The following SAMD9L variants were observed in gnomAD, a reference collection of about 807,000 sequenced individuals.
SAMD9L encodes sterile alpha motif domain-containing protein 9-like.
SAMD9L carries 68 observed loss-of-function variants against 90.7 expected under a neutral mutation model. That is an observed-to-expected ratio of 0.75 (90% CI 0.62 to 0.92). The LOEUF (loss-of-function observed/expected upper bound fraction) is 0.92, where lower values mean the gene tolerates loss of function less well. SAMD9L is among the 40% of genes least tolerant of loss of function. SAMD9L has a pLI of 0.00. For synonymous variants in SAMD9L, 640 were observed against 630.1 expected, an observed-to-expected ratio of 1.02 and a Z score of -0.23; for missense variants, 1,604 against 1,824.3, an observed-to-expected ratio of 0.88 and a Z score of 2.20.
chr7:93,133,098 T>C lies in SAMD9L; in HGVS notation c.2874A>G (p.Glu958=). 6.2e-7 allele frequency: 1 copy of C among 1,612,926 alleles called. No individual in the cohort carries two copies. Among genetic ancestry groups the C allele is most frequent in the Non-Finnish European group, 8.5e-7 (1 of 1,179,172 alleles). Residue 958 remains glutamate, a synonymous_variant, in exon 5 of 5, where the codon GAA becomes GAG. Transcript: ENST00000318238. ...IIYTSTPWEP[E]SLEDKMGTYS... ...AAGTTCCCATCTTGTCTTCTAAGCT[T>C]TCAGGTTCCCAGGGTGTACTAGTGT...
chr7:93,147,033 T>TGGCAAGG lies in SAMD9L; in HGVS notation c.-936_-930dup, dbSNP rs915339652. On this transcript the variant is annotated 5_prime_UTR_variant, in exon 2 of 5. Transcript: ENST00000318238. ...TGCCTTTGCTGGGAAGCTGCTCTTCTGGCAAGGGGCTTACACTTTCCACAG... is the reference window on the plus strand; with the variant it reads ...TGCCTTTGCTGGGAAGCTGCTCTTCTGGCAAGGGGCAAGGGGCTTACACTTTCCACAG... 4 of 152,264 alleles carry TGGCAAGG rather than the reference T, an allele frequency of 2.6e-5. No individual in the cohort carries two copies. Among genetic ancestry groups the TGGCAAGG allele is most frequent in the Non-Finnish European group, 5.9e-5 (4 of 68,070 alleles). The allele number at this position is 152,264 out of a possible 1,614,324, so 9.4% of individuals were successfully genotyped here.
In SAMD9L at chr7:93,145,711, A is replaced by C. The variant is rs1792864475; in HGVS notation, c.-449T>G. On this transcript the variant is annotated 5_prime_UTR_variant, in exon 3 of 5. It removes an upstream start codon present in the reference 5' UTR. Transcript: ENST00000318238. ...CTTTCTACTATGAAAATGTTTGAAC[A>C]TACAGAAAATTTGAAAGAATAGTGA... 6.6e-6 allele frequency: 1 copy of C among 152,244 alleles called. No individual in the cohort carries two copies. Among genetic ancestry groups the C allele is most frequent in the Non-Finnish European group, 1.5e-5 (1 of 68,050 alleles). 9.4% of individuals were successfully genotyped at this position (152,244 alleles called of 1,614,324 possible).
chr7:93,136,658 TA>T (rs1360881065), intron 4 of SAMD9L, among the ~76,000 whole-genome samples: 1 of 152,238 alleles, frequency 6.6e-6, no homozygotes, highest in Admixed American at 6.5e-5. Flanking sequence ...TTAATTTTGT[TA>T]GAGCCATTTT....
chr7:93,147,747 T>C (rs138850313), intron 1 of SAMD9L, among the ~76,000 whole-genome samples: 105 of 152,360 alleles, frequency 6.9e-4, no homozygotes, highest in African/African-American at 2.4e-3. Context: ...AATACTTTAA[T>C]AGAATAATAT....
chr7:93,134,214 A>T lies in SAMD9L; in HGVS notation c.1758T>A (p.Ile586=), dbSNP rs761711598. 2 of 1,613,156 alleles carry T rather than the reference A, an allele frequency of 1.2e-6. No individual in the cohort carries two copies. Among genetic ancestry groups the T allele is most frequent in the African/African-American group, 2.7e-5 (2 of 74,884 alleles). Residue 586 remains isoleucine, a synonymous_variant, in exon 5 of 5, where the codon ATT becomes ATA. Coordinates refer to ENST00000318238, the MANE Select transcript of SAMD9L (RefSeq NM_152703.5). The part of the protein sequence containing the change: ...NMLCISVNSH[I]YQRWKDLLQT... The stretch of plus-strand genomic sequence containing the variant: ...GTAGTAGATCTTTCCATCGTTGATA[A>T]ATATGTGAGTTTACAGAGATACACA...
Position 93,131,911 on chromosome 7 carries a change from G to A in SAMD9L, c.4061C>T (p.Ala1354Val). The A allele has an allele frequency of 5.6e-6, 9 of 1,612,774 alleles. No homozygotes were observed. Among genetic ancestry groups the A allele is most frequent in the Non-Finnish European group, 7.6e-6 (9 of 1,179,804 alleles). Reference sequence around the variant, plus strand: ...ATTCACTATACTTTCCATGGTGGTAGCATCTTTGTAGTTTGGATTAAGATA... The same window carrying A: ...ATTCACTATACTTTCCATGGTGGTAACATCTTTGTAGTTTGGATTAAGATA... ...LEYLNPNYKD[A>V]TTMESIVNEY... The change falls in exon 5 of 5, where the codon GCT becomes GTT. Residue 1354 changes from alanine (A) to valine (V), a missense_variant. By Grantham distance (64) the Ala-to-Val change is moderately conservative. This residue lies in a region of SAMD9L where 282 missense variants were observed against 329.6 expected (regional missense o/e 0.86). Transcript: ENST00000318238.
intron 4 of SAMD9L, among the ~76,000 whole-genome samples, 180 bp from the exon 5 acceptor site, chr7:93,136,171 C>T (rs184734508): frequency 1.8e-4 from 28 of 152,220 alleles, no homozygotes; most frequent in African/African-American, 6.7e-4. Context: ...AATTCATACC[C>T]TTGTTTCTTA....
In SAMD9L at chr7:93,134,511, A is replaced by G. The variant is rs777043500; in HGVS notation, c.1461T>C (p.Leu487=). ...TCCAGCTGGGCTGTTGGTAAAGATT[A>G]AGAGTAGAAATCTTCTCCCACATGT... ...TTNMWEKIST[L]NLYQQPSWIF... is the part of the protein sequence containing the mutation. Residue 487 remains leucine (L), a synonymous_variant, in exon 5 of 5, where the codon CTT becomes CTC. Coordinates refer to ENST00000318238, the MANE Select transcript of SAMD9L (RefSeq NM_152703.5). The G allele has an allele frequency of 4.3e-6, 7 of 1,613,974 alleles. No individual in the cohort carries two copies. The highest frequency in any genetic ancestry group is 5.9e-6 in the Non-Finnish European group (7 of 1,179,914).
At position 93,144,768 on chromosome 7, in the gene SAMD9L, G is replaced by A. The variant is rs1268886319; in HGVS notation, c.-57C>T. 1 of 152,228 alleles carries A rather than the reference G, an allele frequency of 6.6e-6. No individual in the cohort carries two copies. The highest frequency in any genetic ancestry group is 6.5e-5 in the Admixed American group (1 of 15,278). The allele number at this position is 152,228 out of a possible 1,614,324, so 9.4% of individuals were successfully genotyped here. ...CACTCACTCACTTTCCGTGCCTCCGGGAAAGGATGCTCAGAATCCCAGCTG... is the reference window on the plus strand; with the variant it reads ...CACTCACTCACTTTCCGTGCCTCCGAGAAAGGATGCTCAGAATCCCAGCTG... On this transcript the variant is annotated 5_prime_UTR_variant, in exon 4 of 5. Coordinates refer to ENST00000318238, the MANE Select transcript of SAMD9L (RefSeq NM_152703.5).
At chr7:93,137,812 G>A (rs1487846766) in intron 4 of SAMD9L, among the ~76,000 whole-genome samples, 2 of 143,420 alleles carry the variant, frequency 1.4e-5, no homozygotes, top group African/African-American at 5.2e-5. Context: ...TGAACCATCT[G>A]TGCTTGGAGC....
Position 93,133,766 on chromosome 7 carries a change from T to C in SAMD9L, c.2206A>G (p.Ile736Val), listed in dbSNP as rs530649061. 4.3e-6 allele frequency: 7 copies of C among 1,613,886 alleles called. No homozygotes were observed. The South Asian group carries it at 6.6e-5, about 15-fold the overall frequency. Residue 736 changes from isoleucine to valine, a missense_variant, in exon 5 of 5, where the codon ATC (isoleucine) becomes GTC (valine). Physicochemically the swap from Ile to Val is conservative, Grantham distance 29. This residue lies in a region of SAMD9L where 606 missense variants were observed against 717.6 expected (regional missense o/e 0.84). Coordinates refer to ENST00000318238, the MANE Select transcript of SAMD9L (RefSeq NM_152703.5). ...AESPKPIFAK[I>V]INLYHHPGCG... ...CCTGGATGATGATAAAGATTGATGATTTTTGCAAATATTGGTTTAGGAGAC... is the reference window on the plus strand; with the variant it reads ...CCTGGATGATGATAAAGATTGATGACTTTTGCAAATATTGGTTTAGGAGAC...
At chr7:93,138,219 G>T (rs533569755) in intron 4 of SAMD9L, among the ~76,000 whole-genome samples, 3 of 152,186 alleles carry the variant, frequency 2.0e-5, no homozygotes, top group Admixed American at 6.5e-5. Flanking sequence ...GGGTCTTAAG[G>T]AGTCCCACAA....
chr7:93,134,714 C>G lies in SAMD9L; in HGVS notation c.1258G>C (p.Val420Leu). The change falls in exon 5 of 5, where the codon GTA (valine) becomes CTA (leucine). Residue 420 changes from valine to leucine, a missense_variant. Val to Leu is a conservative substitution (Grantham distance 32). This residue lies in a region of SAMD9L where 606 missense variants were observed against 717.6 expected (regional missense o/e 0.84). Transcript: ENST00000318238. Reference sequence around the variant, plus strand: ...TGGTTTGGATGGCATTTATTTGTTACAAGAATGTACCAGTCATAGTATGAA... The same window carrying G: ...TGGTTTGGATGGCATTTATTTGTTAGAAGAATGTACCAGTCATAGTATGAA... ...DNSYYDWYIL[V>L]TNKCHPNQIK... The G allele has an allele frequency of 6.2e-7, 1 of 1,613,524 alleles. No individual in the cohort carries two copies. The highest frequency in any genetic ancestry group is 1.7e-4 in the Middle Eastern group (1 of 6,060).
chr7:93,147,106 C>T lies in SAMD9L; in HGVS notation c.-1002G>A, dbSNP rs890248768. On this transcript the variant is annotated 5_prime_UTR_variant, in exon 2 of 5. Coordinates refer to ENST00000318238, the MANE Select transcript of SAMD9L (RefSeq NM_152703.5). ...GCAATACCTTCTTTTAGCTGGTGTC[C>T]TCTTTCAGAAATTTAACCAGCCAGT... 1 of 152,220 alleles carries T rather than the reference C, an allele frequency of 6.6e-6. No individual in the cohort carries two copies. Among genetic ancestry groups the T allele is most frequent in the Non-Finnish European group, 1.5e-5 (1 of 68,044 alleles). 9.4% of individuals were successfully genotyped at this position (152,220 alleles called of 1,614,324 possible).
intron 4 of SAMD9L, among the ~76,000 whole-genome samples, chr7:93,143,071 G>C (rs1373358579): frequency 6.6e-6 from 1 of 152,194 alleles, no homozygotes; most frequent in East Asian, 1.9e-4. Flanking sequence ...TTGTCTTTGT[G>C]TCTTTGTGTT....
In SAMD9L at chr7:93,133,735, C is replaced by T; in HGVS notation, c.2237G>A (p.Gly746Glu). The T allele has an allele frequency of 6.2e-7, 1 of 1,613,742 alleles. No homozygotes were observed. Among genetic ancestry groups the T allele is most frequent in the Non-Finnish European group, 8.5e-7 (1 of 1,179,878 alleles). The change falls in exon 5 of 5, where the codon GGA becomes GAA. Residue 746 changes from glycine to glutamate, a missense_variant. Physicochemically the swap from Gly to Glu is moderately conservative, Grantham distance 98. This residue lies in a region of SAMD9L where 606 missense variants were observed against 717.6 expected (regional missense o/e 0.84). Coordinates refer to ENST00000318238, the MANE Select transcript of SAMD9L (RefSeq NM_152703.5). The part of the protein sequence containing the change: ...IINLYHHPGC[G>E]GTTLAMHVLW... ...AACATGCATAGCCAGTGTGGTACCTCCACAGCCTGGATGATGATAAAGATT... is the reference window on the plus strand; with the variant it reads ...AACATGCATAGCCAGTGTGGTACCTTCACAGCCTGGATGATGATAAAGATT...
At position 93,132,075 on chromosome 7, in the gene SAMD9L, A is replaced by G. The variant is rs756633446; in HGVS notation, c.3897T>C (p.Cys1299=). 7 of 1,613,662 alleles carry G rather than the reference A, an allele frequency of 4.3e-6. No individual in the cohort carries two copies. In the South Asian group the frequency reaches 4.4e-5, roughly 10 times the overall value. Residue 1299 remains cysteine, a synonymous_variant, in exon 5 of 5, where the codon TGT becomes TGC. Coordinates refer to ENST00000318238, the MANE Select transcript of SAMD9L (RefSeq NM_152703.5). ...EIMLSKKVSR[C]FRKYTELFCH... is the part of the protein sequence containing the mutation. ...AGAAAAGTTCTGTGTATTTCCTGAA[A>G]CAACGACTGACTTTCTTGCTTAACA...
At position 93,132,195 on chromosome 7, in the gene SAMD9L, A is replaced by AT. The variant is rs1426626365; in HGVS notation, c.3776dup (p.Asn1259LysfsTer11). On this transcript the variant is annotated frameshift_variant, in exon 5 of 5. Transcript: ENST00000318238. LOFTEE classifies it high-confidence loss of function. ...AGCACCTTTTCAGATCTGATTGTAA[A>AT]TTTTTTAGGTGGGATGTGAACTTGC... 1 of 1,613,718 alleles carries AT rather than the reference A, an allele frequency of 6.2e-7. No individual in the cohort carries two copies. Among genetic ancestry groups the AT allele is most frequent in the Admixed American group, 1.7e-5 (1 of 59,882 alleles).
rs1792034694 is a variant in SAMD9L at position 93,130,397 on chromosome 7, G to T, written c.*820C>A. ...GGAAATAAGGCAATCTCAACAGAGA[G>T]AACAGCATGTATATAGCACAGGTTG... On this transcript the variant is annotated 3_prime_UTR_variant, in exon 5 of 5. Transcript: ENST00000318238. 6.6e-6 allele frequency: 1 copy of T among 152,150 alleles called. No homozygotes were observed. Among genetic ancestry groups the T allele is most frequent in the African/African-American group, 2.4e-5 (1 of 41,426 alleles). The allele number at this position is 152,150 out of a possible 1,614,324, so 9.4% of individuals were successfully genotyped here.
Sources: gnomAD v4.1 joint callset for allele counts (sites outside exome capture counted in the v4.1 genomes callset) on GRCh38, gnomAD v4.1.1 for gene constraint, gnomAD v4.1.1 regional missense constraint, MANE v1.5 for transcripts, NCBI Gene and HGNC (gene_info 2026-07-23, HGNC 2026-07-21) for gene names.